Variants in BMERB1 observed in about 807,000 individuals in gnomAD.
BMERB1 encodes bMERB domain containing 1.
A neutral mutation model predicts 23.6 loss-of-function variants in BMERB1; 12 were observed. The ratio of observed to expected loss-of-function variants is 0.51; its 90% CI spans 0.33 to 0.82. The LOEUF is 0.82. Among genes scored for constraint, BMERB1 ranks in the 40% least tolerant of loss-of-function variants. The probability of loss-of-function intolerance (pLI) is 0.03; values close to 1 mark genes in which losing one functional copy is unlikely to be tolerated. For synonymous variants in BMERB1, 122 were observed against 96.6 expected (o/e 1.26, Z -1.54); for missense variants, 247 against 255.4 (o/e 0.97, Z 0.22).
intron 2 of BMERB1, among the ~76,000 whole-genome samples, chr16:15,519,029 A>G (rs2051814124): frequency 6.6e-6 from 1 of 151,118 alleles, no homozygotes; most frequent in Admixed American, 6.6e-5. Flanking sequence ...TCAAATGTGC[A>G]ATAAATTATT....
intron 1 of BMERB1, among the ~76,000 whole-genome samples, chr16:15,484,553 C>T (rs967521941): frequency 4.6e-5 from 7 of 152,114 alleles, no homozygotes; most frequent in Non-Finnish European, 7.4e-5. Flanking sequence ...AGGCACACAC[C>T]GCCACACCCG....
chr16:15,582,075 A>G (rs2031028840), intron 4 of BMERB1, among the ~76,000 whole-genome samples: 1 of 152,202 alleles, frequency 6.6e-6, no homozygotes, highest in Non-Finnish European at 1.5e-5. Flanking sequence ...GGTTAATGAG[A>G]GAAACCAACT....
chr16:15,471,793 GT>G (rs2051231509), intron 1 of BMERB1, among the ~76,000 whole-genome samples: 1 of 152,172 alleles, frequency 6.6e-6, no homozygotes, highest in East Asian at 1.9e-4. Flanking sequence ...CCCCTGGCTG[GT>G]CTCGAACTTC....
intron 1 of BMERB1, among the ~76,000 whole-genome samples, chr16:15,475,192 T>C (rs1330845976): frequency 1.3e-5 from 2 of 151,940 alleles, no homozygotes; most frequent in Non-Finnish European, 1.5e-5. Flanking sequence ...GAGTGAGAAA[T>C]GATGAGTTGA....
intron 1 of BMERB1, among the ~76,000 whole-genome samples, chr16:15,458,834 C>T (rs545827803): frequency 8.0e-5 from 12 of 150,584 alleles, no homozygotes; most frequent in East Asian, 4.0e-4. Context: ...AAGCCAGGTG[C>T]GGTGGCTCAC....
chr16:15,438,724 G>A (rs1199250698), intron 1 of BMERB1, among the ~76,000 whole-genome samples: 1 of 152,096 alleles, frequency 6.6e-6, no homozygotes, highest in Non-Finnish European at 1.5e-5. Flanking sequence ...CCTCCCAAAG[G>A]GCCGTGATTA....
At chr16:15,548,490 T>C (rs749780513) in intron 2 of BMERB1, among the ~76,000 whole-genome samples, 3 of 152,192 alleles carry the variant, frequency 2.0e-5, no homozygotes, top group Non-Finnish European at 4.4e-5. Flanking sequence ...GGAGAACCAG[T>C]TGTTCAACTG....
At chr16:15,486,577 C>T (rs1161959619) in intron 1 of BMERB1, among the ~76,000 whole-genome samples, 1 of 152,064 alleles carries the variant, frequency 6.6e-6, no homozygotes, top group Non-Finnish European at 1.5e-5. Context: ...CTGATCCAAT[C>T]AAATATGGAG....
At chr16:15,577,797 T>C (rs2030907780) in intron 3 of BMERB1, among the ~76,000 whole-genome samples, 1 of 152,228 alleles carries the variant, frequency 6.6e-6, no homozygotes. Flanking sequence ...GGCCTGATTA[T>C]TTGAGATGTT....
At chr16:15,541,053 AC>A (rs2052073327) in intron 2 of BMERB1, among the ~76,000 whole-genome samples, 1 of 151,878 alleles carries the variant, frequency 6.6e-6, no homozygotes, top group Admixed American at 6.6e-5. Context: ...GTCCGGAGCC[AC>A]CCACCCTTCT....
At chr16:15,571,309 T>C (rs755379791) in intron 3 of BMERB1, among the ~76,000 whole-genome samples, 6 of 151,684 alleles carry the variant, frequency 4.0e-5, no homozygotes, top group South Asian at 2.1e-4. Context: ...CAATTCACTA[T>C]ACCAAAAGGA....
intron 1 of BMERB1, among the ~76,000 whole-genome samples, chr16:15,467,156 T>C (rs1158944670): frequency 2.0e-5 from 3 of 152,196 alleles, no homozygotes; most frequent in Non-Finnish European, 4.4e-5. Context: ...ATGAATACTC[T>C]TATGCAAATT....
At position 15,513,666 on chromosome 16, in the gene BMERB1, C is replaced by T. The variant is rs113061512; in HGVS notation, c.107-1639C>T. Among the ~76,000 whole-genome samples the T allele has an allele frequency of 4.6e-5, 7 of 152,040 alleles. No individual in the cohort carries two copies. In the South Asian group the frequency reaches 6.2e-4, roughly 14 times the overall value. Reference sequence around the variant, plus strand: ...ATCCTAGCACTTTGGGAGGCTGAGGCGGGTGGGTCATGAGGTCAGGAGTTC... The same window carrying T: ...ATCCTAGCACTTTGGGAGGCTGAGGTGGGTGGGTCATGAGGTCAGGAGTTC... On this transcript the variant is annotated intron_variant, in intron 1 of 5. Transcript: ENST00000300006.
At chr16:15,528,992 G>C (rs1281576613) in intron 2 of BMERB1, among the ~76,000 whole-genome samples, 1 of 151,980 alleles carries the variant, frequency 6.6e-6, no homozygotes, top group African/African-American at 2.4e-5. Context: ...GGACTTTCCA[G>C]CCTCTTTTAC....
At chr16:15,494,605 T>G (rs980626153) in intron 1 of BMERB1, among the ~76,000 whole-genome samples, 9 of 152,160 alleles carry the variant, frequency 5.9e-5, no homozygotes, top group Non-Finnish European at 1.3e-4. Context: ...ATCCTTAATG[T>G]GATAAAACTT....
intron 1 of BMERB1, among the ~76,000 whole-genome samples, chr16:15,510,700 A>G (rs2051653854): frequency 6.6e-6 from 1 of 151,602 alleles, no homozygotes; most frequent in African/African-American, 2.4e-5. Context: ...AGCACTCAGT[A>G]TTAATTATCT....
chr16:15,519,399 T>C (rs1016420944), intron 2 of BMERB1, among the ~76,000 whole-genome samples: 1 of 152,110 alleles, frequency 6.6e-6, no homozygotes, highest in Non-Finnish European at 1.5e-5. Flanking sequence ...CTCTTTTATT[T>C]TTATTTCTTG....
At chr16:15,459,799 C>T (rs533250956) in intron 1 of BMERB1, among the ~76,000 whole-genome samples, 1 of 152,270 alleles carries the variant, frequency 6.6e-6, no homozygotes, top group South Asian at 2.1e-4. Flanking sequence ...AAAGAAATCA[C>T]AGTAGCACTA....
intron 1 of BMERB1, among the ~76,000 whole-genome samples, chr16:15,481,452 G>A (rs562938715): frequency 4.6e-5 from 7 of 152,066 alleles, no homozygotes; most frequent in African/African-American, 1.7e-4. Flanking sequence ...GCGTGAACCC[G>A]GGAGGCGGAG....
Sources: allele counts gnomAD v4.1 joint callset (sites outside exome capture counted in the v4.1 genomes callset), GRCh38; gene constraint gnomAD v4.1.1; transcripts MANE v1.5; gene names NCBI Gene and HGNC (gene_info 2026-07-23, HGNC 2026-07-21).